CNBD1: variants seen among roughly 807,000 people sequenced by gnomAD.
The protein encoded by CNBD1 is cyclic nucleotide binding domain containing 1, also known as cyclic nucleotide-binding domain-containing protein 1.
A neutral mutation model predicts 54.4 loss-of-function variants in CNBD1; 71 were observed. The observed-to-expected ratio is 1.30, with a 90% CI of 1.08 to 1.59. CNBD1 has a LOEUF of 1.59. CNBD1 is among the 40% of genes most tolerant of loss of function. The pLI is 0.00. For synonymous variants in CNBD1, 182 were observed against 170.7 expected, an observed-to-expected ratio of 1.07 and a Z score of -0.51; for missense variants, 659 against 518.0, an observed-to-expected ratio of 1.27 and a Z score of -2.64.
At chr8:87,369,447 C>A (rs550767541) in intron 10 of CNBD1, among the ~76,000 whole-genome samples, 1 of 152,160 alleles carries the variant, frequency 6.6e-6, no homozygotes, top group South Asian at 2.1e-4. Context: ...CACATTCTAT[C>A]CTTCCTTTTC....
At chr8:87,007,365 C>A (rs1228363240) in intron 4 of CNBD1, among the ~76,000 whole-genome samples, 1 of 151,932 alleles carries the variant, frequency 6.6e-6, no homozygotes, top group East Asian at 1.9e-4. Context: ...AATCCATAAG[C>A]TCTTATTTTT....
At position 87,353,383 on chromosome 8, in the gene CNBD1, C is replaced by T. The variant is rs537077695; in HGVS notation, c.1153-253C>T. Among the ~76,000 whole-genome samples, 12 of 152,304 alleles carry T rather than the reference C, an allele frequency of 7.9e-5. No individual in the cohort carries two copies. In the South Asian group the frequency reaches 2.5e-3, roughly 32 times the overall value. ...TGGAATTAGTTCAATATTTCCTAAACATCTTTGTGGATTCTAAAGGACAAT... is the reference window on the plus strand; with the variant it reads ...TGGAATTAGTTCAATATTTCCTAAATATCTTTGTGGATTCTAAAGGACAAT... On this transcript the variant is annotated intron_variant, in intron 9 of 10. Transcript: ENST00000518476.
chr8:87,389,449 C>T (rs1811262960), intron 2 of CNBD1, among the ~76,000 whole-genome samples: 1 of 152,108 alleles, frequency 6.6e-6, no homozygotes, highest in South Asian at 2.1e-4. Context: ...CATTCTTATA[C>T]ACCAATAACA....
At chr8:87,089,314 A>T (rs996764188) in intron 4 of CNBD1, among the ~76,000 whole-genome samples, 1 of 152,096 alleles carries the variant, frequency 6.6e-6, no homozygotes. Flanking sequence ...TTTAAGAATA[A>T]TTTTTTTGTA....
At chr8:87,058,239 C>T (rs1269487407) in intron 4 of CNBD1, among the ~76,000 whole-genome samples, 1 of 152,192 alleles carries the variant, frequency 6.6e-6, no homozygotes, top group African/African-American at 2.4e-5. Flanking sequence ...TCGGGCAGCT[C>T]CACCCCTGTT....
At chr8:87,219,977 TTTAA>T (rs1814294678) in intron 5 of CNBD1, among the ~76,000 whole-genome samples, 1 of 151,986 alleles carries the variant, frequency 6.6e-6, no homozygotes, top group Non-Finnish European at 1.5e-5. Context: ...AATAAAAAAG[TTTAA>T]TTATCATAAA....
At chr8:87,205,286 C>T (rs773776263) in intron 4 of CNBD1, among the ~76,000 whole-genome samples, 2 of 152,156 alleles carry the variant, frequency 1.3e-5, no homozygotes, top group Admixed American at 1.3e-4. Flanking sequence ...CCCGCCTCGG[C>T]CTCCCAAAGT....
intron 10 of CNBD1, among the ~76,000 whole-genome samples, chr8:87,379,799 A>AT (rs1444946541): frequency 3.3e-5 from 5 of 151,972 alleles, no homozygotes; most frequent in Admixed American, 6.6e-5. Flanking sequence ...TTTCTAAAAA[A>AT]TGAAATAAGG....
chr8:87,108,511 T>G (rs1371120002), intron 4 of CNBD1, among the ~76,000 whole-genome samples: 5 of 152,150 alleles, frequency 3.3e-5, no homozygotes, highest in Admixed American at 3.3e-4. Flanking sequence ...TATTTATGCA[T>G]TGTTTAAAAG....
chr8:87,042,463 A>G (rs1336378663), intron 4 of CNBD1, among the ~76,000 whole-genome samples: 1 of 152,170 alleles, frequency 6.6e-6, no homozygotes, highest in Admixed American at 6.5e-5. Flanking sequence ...TGATGCTGTG[A>G]GTATGAATTG....
At chr8:86,989,975 C>G (rs73271770) in intron 4 of CNBD1, among the ~76,000 whole-genome samples, 3,140 of 152,240 alleles carry the variant, frequency 0.021, 97 homozygotes, top group African/African-American at 0.07. Flanking sequence ...TTTCATACAC[C>G]TATTTGCCAT....
chr8:87,254,240 C>G (rs183176015), intron 6 of CNBD1, among the ~76,000 whole-genome samples: 2 of 151,836 alleles, frequency 1.3e-5, no homozygotes, highest in Non-Finnish European at 2.9e-5. Context: ...ACTAAGCAAG[C>G]CTGAGAATAA....
chr8:87,326,315 G>T (rs1586015467), intron 8 of CNBD1, among the ~76,000 whole-genome samples: 2 of 123,676 alleles, frequency 1.6e-5, no homozygotes, highest in African/African-American at 6.0e-5. Flanking sequence ...TATCTTTGTG[G>T]CGTTCTCTGT....
chr8:87,099,065 A>AAAAC (rs978372704), intron 4 of CNBD1, among the ~76,000 whole-genome samples: 8 of 143,980 alleles, frequency 5.6e-5, no homozygotes, highest in African/African-American at 1.9e-4. Context: ...AAAAAACAAA[A>AAAAC]CTCCAAATTT....
At chr8:86,969,632 A>G (rs548679286) in intron 4 of CNBD1, among the ~76,000 whole-genome samples, 1 of 152,200 alleles carries the variant, frequency 6.6e-6, no homozygotes, top group South Asian at 2.1e-4. Context: ...GTGCATACAC[A>G]TGGAGTCTCA....
intron 8 of CNBD1, among the ~76,000 whole-genome samples, chr8:87,311,820 T>C (rs1041047440): frequency 6.6e-6 from 1 of 152,044 alleles, no homozygotes; most frequent in South Asian, 2.1e-4. Context: ...CTGGCGGTCA[T>C]TAACCTATGC....
At chr8:86,901,847 G>A (rs1250017633) in intron 2 of CNBD1, among the ~76,000 whole-genome samples, 1 of 152,102 alleles carries the variant, frequency 6.6e-6, no homozygotes, top group Non-Finnish European at 1.5e-5. Context: ...ACATCGAGTA[G>A]ACTAGCCTAG....
At chr8:87,069,795 G>A (rs1392758965) in intron 4 of CNBD1, among the ~76,000 whole-genome samples, 3 of 151,772 alleles carry the variant, frequency 2.0e-5, no homozygotes, top group African/African-American at 7.3e-5. Flanking sequence ...ATTTCATATG[G>A]GCATATAATA....
chr8:87,224,772 C>A (rs1252231670), intron 5 of CNBD1, among the ~76,000 whole-genome samples: 1 of 150,568 alleles, frequency 6.6e-6, no homozygotes, highest in Non-Finnish European at 1.5e-5. Flanking sequence ...TTTTCCAATT[C>A]TGTGAAGAAA....
Sources: allele counts gnomAD v4.1 joint callset (sites outside exome capture counted in the v4.1 genomes callset), GRCh38; gene constraint gnomAD v4.1.1; transcripts MANE v1.5; gene names NCBI Gene and HGNC (gene_info 2026-07-23, HGNC 2026-07-21).